The following GRB2 variants were observed in gnomAD, a reference collection of about 807,000 sequenced individuals.
GRB2 encodes growth factor receptor-bound protein 2.
A neutral mutation model predicts 27.4 loss-of-function variants in GRB2; 2 were observed. The observed-to-expected ratio is 0.07, with a 90% CI of 0.03 to 0.23. The LOEUF is 0.23. GRB2 is among the 10% of genes least tolerant of loss of function. GRB2 has a pLI of 1.00. For synonymous variants in GRB2, 94 were observed against 99.6 expected (o/e 0.94, Z 0.33); for missense variants, 102 against 282.4 (o/e 0.36, Z 4.58).
At chr17:75,403,662 T>G (rs1438813686) in intron 1 of GRB2, among the ~76,000 whole-genome samples, 1 of 150,746 alleles carries the variant, frequency 6.6e-6, no homozygotes, top group Non-Finnish European at 1.5e-5. Context: ...TACTCGGGAG[T>G]GCGAGGCAGG....
At position 75,365,900 on chromosome 17, in the gene GRB2, A is replaced by G. The variant is rs991321908; in HGVS notation, c.78+27651T>C. ...TGTCTCCCTTCTATTGAAATTGCCC[A>G]TTTCTACCTGTAGAAATACCATTTT... On this transcript the variant is annotated intron_variant, in intron 2 of 5. Transcript: ENST00000316804. Among the ~76,000 whole-genome samples, 4 of 151,998 alleles carry G rather than the reference A, an allele frequency of 2.6e-5. No individual in the cohort carries two copies. In the East Asian group the frequency reaches 7.7e-4, roughly 29 times the overall value.
intron 2 of GRB2, among the ~76,000 whole-genome samples, chr17:75,361,726 T>TA (rs991074047): frequency 6.6e-6 from 1 of 152,174 alleles, no homozygotes; most frequent in African/African-American, 2.4e-5. Flanking sequence ...CCCAATTTAC[T>TA]AAGTTTTAAT....
intron 2 of GRB2, chr17:75,338,945 G>T: frequency 1.8e-6 from 2 of 1,130,596 alleles, no homozygotes; most frequent in Non-Finnish European, 2.7e-6. Context: ...GGAAAGCGGC[G>T]TTATGACAGG....
intron 4 of GRB2, among the ~76,000 whole-genome samples, chr17:75,324,947 G>T (rs1243176285): frequency 1.3e-5 from 2 of 152,086 alleles, no homozygotes; most frequent in African/African-American, 4.8e-5. Context: ...GTGGTGTCAG[G>T]CACCTGTAAT....
intron 2 of GRB2, among the ~76,000 whole-genome samples, chr17:75,354,773 C>T (rs1002747834): frequency 3.3e-5 from 5 of 152,062 alleles, no homozygotes; most frequent in African/African-American, 9.7e-5. Context: ...AAAGACACTA[C>T]GAAATGTTTT....
At chr17:75,377,150 TAA>T (rs978564165) in intron 2 of GRB2, among the ~76,000 whole-genome samples, 16 of 151,160 alleles carry the variant, frequency 1.1e-4, no homozygotes, top group Non-Finnish European at 1.9e-4. Context: ...AAAAAAATAT[TAA>T]AAGTTACATT....
chr17:75,327,297 C>G (rs140700424), intron 3 of GRB2, among the ~76,000 whole-genome samples: 3 of 151,894 alleles, frequency 2.0e-5, no homozygotes, highest in African/African-American at 7.2e-5. Flanking sequence ...CCAGGATGGT[C>G]TCGATCTCCT....
intron 2 of GRB2, among the ~76,000 whole-genome samples, chr17:75,377,298 G>C (rs2078900284): frequency 6.6e-6 from 1 of 152,012 alleles, no homozygotes. Context: ...TCCAGCCTGG[G>C]GTGACAGAAT....
intron 1 of GRB2, among the ~76,000 whole-genome samples, chr17:75,397,771 A>G (rs890118659): frequency 6.6e-6 from 1 of 152,136 alleles, no homozygotes; most frequent in Non-Finnish European, 1.5e-5. Flanking sequence ...TATATAACAT[A>G]CATTAAGTGC....
intron 2 of GRB2, among the ~76,000 whole-genome samples, chr17:75,337,846 G>A (rs933453077): frequency 3.4e-5 from 5 of 145,092 alleles, no homozygotes; most frequent in African/African-American, 7.4e-5. Flanking sequence ...GATTATAGGC[G>A]TGAGCCACTG....
In GRB2 at chr17:75,393,779, G is replaced by C; in HGVS notation, c.-137-14C>G. 1 of 640,824 alleles carries C rather than the reference G, an allele frequency of 1.6e-6. No individual in the cohort carries two copies. The highest frequency in any genetic ancestry group is 1.8e-5 in the African/African-American group (1 of 55,020). 39.7% of individuals were successfully genotyped at this position (640,824 alleles called of 1,614,324 possible). A position where few individuals can be genotyped will look rare whatever the true frequency, so the allele number is the denominator to read the frequency against. ...CACAATGCCACCCTGAAGCAGGAGAGGGACGATTAAGAGCAGTGGCCAGGA... is the reference window on the plus strand; with the variant it reads ...CACAATGCCACCCTGAAGCAGGAGACGGACGATTAAGAGCAGTGGCCAGGA... On this transcript the variant is annotated splice_polypyrimidine_tract_variant and intron_variant, in intron 1 of 5. Coordinates refer to ENST00000316804, the MANE Select transcript of GRB2 (RefSeq NM_002086.5).
Position 75,379,287 on chromosome 17 carries a change from T to C in GRB2, c.78+14264A>G, listed in dbSNP as rs529239802. Among the ~76,000 whole-genome samples, 4 of 152,258 alleles carry C rather than the reference T, an allele frequency of 2.6e-5. No individual in the cohort carries two copies. In the South Asian group the frequency reaches 6.2e-4, roughly 24 times the overall value. On this transcript the variant is annotated intron_variant, in intron 2 of 5. Coordinates refer to ENST00000316804, the MANE Select transcript of GRB2 (RefSeq NM_002086.5). ...TTTATTTGCTTATTTAATTTCAAAATTGTTATCTGGGCATCAGGAGGGAAT... is the reference window on the plus strand; with the variant it reads ...TTTATTTGCTTATTTAATTTCAAAACTGTTATCTGGGCATCAGGAGGGAAT...
chr17:75,377,375 C>G (rs1020241934), intron 2 of GRB2, among the ~76,000 whole-genome samples: 11 of 151,956 alleles, frequency 7.2e-5, no homozygotes, highest in African/African-American at 2.7e-4. Context: ...AATCCCAACA[C>G]TTTGGGAGGT....
intron 2 of GRB2, chr17:75,372,142 C>T (rs374024074): frequency 6.6e-6 from 1 of 152,066 alleles, no homozygotes; most frequent in African/African-American, 2.4e-5. Flanking sequence ...ACACAAGGCA[C>T]CCAAATTAAA....
chr17:75,377,963 C>A (rs1397121730), intron 2 of GRB2, among the ~76,000 whole-genome samples: 1 of 152,176 alleles, frequency 6.6e-6, no homozygotes, highest in African/African-American at 2.4e-5. Flanking sequence ...CACCTTGTGA[C>A]AGACTTCAGA....
intron 2 of GRB2, among the ~76,000 whole-genome samples, chr17:75,351,139 T>C (rs930724807): frequency 2.6e-5 from 4 of 151,922 alleles, no homozygotes; most frequent in East Asian, 3.9e-4. Flanking sequence ...CAGACAGGAA[T>C]TGAGATTAGG....
At chr17:75,353,484 C>G (rs1031188699) in intron 2 of GRB2, among the ~76,000 whole-genome samples, 1 of 152,032 alleles carries the variant, frequency 6.6e-6, no homozygotes, top group Non-Finnish European at 1.5e-5. Flanking sequence ...CCATTTTTAC[C>G]GGGCGCGGTG....
intron 2 of GRB2, among the ~76,000 whole-genome samples, chr17:75,335,745 C>G (rs1231911638): frequency 6.6e-5 from 10 of 152,086 alleles, no homozygotes; most frequent in Admixed American, 6.6e-4. Context: ...CCAGTGTATT[C>G]AAAGTTTCCA....
At chr17:75,362,362 T>G (rs1346328515) in intron 2 of GRB2, among the ~76,000 whole-genome samples, 8 of 152,246 alleles carry the variant, frequency 5.3e-5, no homozygotes. Flanking sequence ...GCTTTATGCA[T>G]GAAGAGTTGA....
Sources: gnomAD v4.1 joint callset for allele counts (sites outside exome capture counted in the v4.1 genomes callset) on GRCh38, gnomAD v4.1.1 for gene constraint, MANE v1.5 for transcripts, NCBI Gene and HGNC (gene_info 2026-07-23, HGNC 2026-07-21) for gene names.